The following SLC36A2 variants were observed in gnomAD, a reference collection of about 807,000 sequenced individuals.
SLC36A2 encodes the protein solute carrier family 36 member 2.
SLC36A2 carries 39 observed loss-of-function variants against 42.7 expected under a neutral mutation model. The ratio of observed to expected loss-of-function variants is 0.91; its 90% CI spans 0.71 to 1.19. The LOEUF is 1.19. SLC36A2 is among the 50% of genes most tolerant of loss of function. The probability of loss-of-function intolerance (pLI) is 0.00; values close to 1 mark genes in which losing one functional copy is unlikely to be tolerated. For missense variants in SLC36A2, 590 were observed against 613.7 expected (o/e 0.96, Z 0.41); for synonymous variants, 237 against 240.8 (o/e 0.98, Z 0.15).
At chr5:151,332,092 C>T (rs1289714838) in intron 7 of SLC36A2, among the ~76,000 whole-genome samples, 2 of 152,088 alleles carry the variant, frequency 1.3e-5, no homozygotes, top group Admixed American at 1.3e-4. Flanking sequence ...GTCTAGAACT[C>T]CTGACCTCAA....
chr5:151,329,557 G>A (rs1347070698), intron 7 of SLC36A2, among the ~76,000 whole-genome samples: 1 of 152,132 alleles, frequency 6.6e-6, no homozygotes, highest in African/African-American at 2.4e-5. Flanking sequence ...AAGGGAGAAC[G>A]CTATTAAAAT....
At chr5:151,342,739 C>G (rs1335165759) in intron 4 of SLC36A2, 149 bp downstream of exon 4, 2 of 680,180 alleles carry the variant, frequency 2.9e-6, no homozygotes, top group East Asian at 2.8e-5. Context: ...GGGGGTTGAT[C>G]AGGGATGTTG....
intron 9 of SLC36A2, among the ~76,000 whole-genome samples, chr5:151,320,622 A>G (rs900935719): frequency 6.6e-6 from 1 of 152,172 alleles, no homozygotes; most frequent in African/African-American, 2.4e-5. Context: ...ACTCCGGGTC[A>G]TGGGGGCTGC....
intron 1 of SLC36A2, among the ~76,000 whole-genome samples, chr5:151,345,563 G>T (rs947824329): frequency 6.6e-6 from 1 of 152,296 alleles, no homozygotes; most frequent in African/African-American, 2.4e-5. Flanking sequence ...GAGAAAGGGG[G>T]TGGAGAGTCC....
At position 151,335,383 on chromosome 5, in the gene SLC36A2, C is replaced by T. The variant is rs900311167; in HGVS notation, c.690G>A (p.Leu230=). The T allele has an allele frequency of 1.1e-5, 18 of 1,613,904 alleles. No homozygotes were observed. Among genetic ancestry groups the T allele is most frequent in the Admixed American group, 1.7e-5 (1 of 59,992 alleles). The change falls in exon 6 of 10, where the codon CTG becomes CTA. Residue 230 remains leucine (L), a synonymous_variant. Coordinates refer to ENST00000335244, the MANE Select transcript of SLC36A2 (RefSeq NM_181776.3). ...NLRILTIFSM[L]ANISMLVSLV... ...AGCTGACCAGCATGCTGATGTTGGC[C>T]AGCATGGAGAAGATGGTCAAGATCC... is the stretch of plus-strand genomic sequence containing the variant.
At chr5:151,338,382 A>T (rs1396185581) in intron 5 of SLC36A2, among the ~76,000 whole-genome samples, 1 of 151,418 alleles carries the variant, frequency 6.6e-6, no homozygotes, top group East Asian at 1.9e-4. Context: ...CCATAGATTA[A>T]GTAGATGGCC....
chr5:151,333,351 G>C (rs1394876160), intron 6 of SLC36A2, 29 bp from the exon 7 acceptor site: 1 of 1,586,930 alleles, frequency 6.3e-7, no homozygotes, highest in Admixed American at 1.7e-5. Flanking sequence ...CTATGAGACA[G>C]TCACTCTTAA....
In SLC36A2 at chr5:151,322,124, A is replaced by AGGG; in HGVS notation, c.1099_1101dup (p.Pro367dup). ...CGTGTTGACACCCGGGAGATGGCAA[A>AGGG]GGGGATGATGATTTCTGCAGGGACG... On this transcript the variant is annotated inframe_insertion, in exon 9 of 10. Coordinates refer to ENST00000335244, the MANE Select transcript of SLC36A2 (RefSeq NM_181776.3). 6.2e-7 allele frequency: 1 copy of AGGG among 1,614,188 alleles called. No homozygotes were observed. Among genetic ancestry groups the AGGG allele is most frequent in the Non-Finnish European group, 8.5e-7 (1 of 1,180,032 alleles).
intron 7 of SLC36A2, among the ~76,000 whole-genome samples, chr5:151,327,078 G>T (rs181409590): frequency 3.9e-5 from 6 of 152,294 alleles, no homozygotes; most frequent in Admixed American, 3.9e-4. Context: ...GCCTCCCAAA[G>T]TGCTGGGATT....
At position 151,316,758 on chromosome 5, in the gene SLC36A2, A is replaced by AAAC. The variant is rs1755504139; in HGVS notation, c.*58_*59insGTT. On this transcript the variant is annotated 3_prime_UTR_variant, in exon 10 of 10. Coordinates refer to ENST00000335244, the MANE Select transcript of SLC36A2 (RefSeq NM_181776.3). Reference sequence around the variant, plus strand: ...TCCGTCTCAAAAAAAAAAAAAAAAAAAAAAAGAGATCCATATAATTAAAAG... The same window carrying AAAC: ...TCCGTCTCAAAAAAAAAAAAAAAAAAAACAAAAAGAGATCCATATAATTAAAAG... The AAAC allele has an allele frequency of 6.5e-7, 1 of 1,535,362 alleles. No homozygotes were observed. The highest frequency in any genetic ancestry group is 8.8e-7 in the Non-Finnish European group (1 of 1,142,416).
intron 9 of SLC36A2, chr5:151,319,398 A>G (rs1755618836): frequency 6.5e-6 from 1 of 153,444 alleles, no homozygotes; most frequent in South Asian, 1.9e-4. Context: ...GGGCTGGCCT[A>G]GAAAAGTGAA....
At chr5:151,346,869 G>A (rs1342728597) in intron 1 of SLC36A2, among the ~76,000 whole-genome samples, 2 of 152,164 alleles carry the variant, frequency 1.3e-5, no homozygotes, top group Non-Finnish European at 2.9e-5. Flanking sequence ...CAGGGAGGAG[G>A]AAATACTTAG....
Position 151,329,323 on chromosome 5 carries a change from T to G in SLC36A2, c.844-3871A>C, listed in dbSNP as rs761174442. On this transcript the variant is annotated intron_variant, in intron 7 of 9. Coordinates refer to ENST00000335244, the MANE Select transcript of SLC36A2 (RefSeq NM_181776.3). The stretch of plus-strand genomic sequence containing the variant: ...GACTTATGAGCTGAATCTAACTAGG[T>G]AGATGGTTTGCTAAAACCAAAAATC... 2.0e-5 allele frequency among the ~76,000 whole-genome samples: 3 copies of G among 152,172 alleles called. No homozygotes were observed. The South Asian group carries it at 6.2e-4, about 32-fold the overall frequency.
intron 7 of SLC36A2, chr5:151,332,344 G>A: frequency 2.2e-6 from 1 of 451,138 alleles, no homozygotes; most frequent in South Asian, 1.6e-5. Flanking sequence ...CAAAGGACTT[G>A]ATGTTTCTCC....
In SLC36A2 at chr5:151,344,222, T is replaced by G; in HGVS notation, c.210A>C (p.Thr70=). The G allele has an allele frequency of 1.2e-6, 2 of 1,614,174 alleles. No individual in the cohort carries two copies. The highest frequency in any genetic ancestry group is 1.7e-6 in the Non-Finnish European group (2 of 1,180,018). Residue 70 remains threonine, a synonymous_variant, in exon 2 of 10, where the codon ACA becomes ACC. Transcript: ENST00000335244. The stretch of plus-strand genomic sequence containing the variant: ...CAGCGAGGGGTAGTCCCAGGATCCC[T>G]GTGCCCATGTTGCCTTTCACCAGGT... ...LIHLVKGNMG[T]GILGLPLAVK...
Position 151,333,260 on chromosome 5 carries a change from G to C in SLC36A2, c.807C>G (p.Phe269Leu). The change falls in exon 7 of 10, where the codon TTC becomes TTG. Residue 269 changes from phenylalanine to leucine, a missense_variant. Coordinates refer to ENST00000335244, the MANE Select transcript of SLC36A2 (RefSeq NM_181776.3). ...TTTCAAAAGAAAAAATGGCTGTTCC[G>C]AAGAAGAGAGGGTAGGTCTTCCAGC... ...VASWKTYPLFFGTAIFSFESI... is the reference protein window; with the variant it reads ...VASWKTYPLFLGTAIFSFESI... 6.2e-7 allele frequency: 1 copy of C among 1,614,030 alleles called. No individual in the cohort carries two copies. The highest frequency in any genetic ancestry group is 8.5e-7 in the Non-Finnish European group (1 of 1,179,946).
At chr5:151,329,059 A>G (rs1755924966) in intron 7 of SLC36A2, among the ~76,000 whole-genome samples, 1 of 152,174 alleles carries the variant, frequency 6.6e-6, no homozygotes, top group Non-Finnish European at 1.5e-5. Context: ...AGAAGAGGAA[A>G]CTGGAAAAAG....
intron 6 of SLC36A2, among the ~76,000 whole-genome samples, chr5:151,334,292 CT>C (rs893125965): frequency 6.6e-6 from 1 of 152,154 alleles, no homozygotes; most frequent in Non-Finnish European, 1.5e-5. Flanking sequence ...GACAATGTAA[CT>C]TTTTTTCTCT....
chr5:151,325,865 T>A (rs894451879), intron 7 of SLC36A2, among the ~76,000 whole-genome samples: 6 of 152,164 alleles, frequency 3.9e-5, no homozygotes, highest in Non-Finnish European at 8.8e-5. Context: ...TGGGAAGGAC[T>A]GGCATGAGGA....
Sources: allele counts gnomAD v4.1 joint callset (sites outside exome capture counted in the v4.1 genomes callset), GRCh38; gene constraint gnomAD v4.1.1; transcripts MANE v1.5; gene names NCBI Gene and HGNC (gene_info 2026-07-23, HGNC 2026-07-21).